The following PDE4D variants were observed in gnomAD, a reference collection of about 807,000 sequenced individuals.
PDE4D encodes phosphodiesterase 4D.
Under a neutral mutation model 87.4 loss-of-function variants are expected in PDE4D, and 24 were observed. The ratio of observed to expected loss-of-function variants is 0.27; its 90% CI spans 0.20 to 0.39. The LOEUF (loss-of-function observed/expected upper bound fraction) is 0.39, where lower values mean the gene tolerates loss of function less well. Ranked by LOEUF, PDE4D falls within the 10% of genes least tolerant of loss-of-function variation. The probability of loss-of-function intolerance (pLI) is 1.00; values close to 1 mark genes in which losing one functional copy is unlikely to be tolerated. For missense variants in PDE4D, 714 were observed against 1,041.0 expected, an observed-to-expected ratio of 0.69 and a Z score of 4.32; for synonymous variants, 384 against 383.2, an observed-to-expected ratio of 1.00 and a Z score of -0.02.
At chr5:60,089,430 T>C (rs1029371802) in intron 2 of PDE4D, among the ~76,000 whole-genome samples, 4 of 151,892 alleles carry the variant, frequency 2.6e-5, no homozygotes, top group African/African-American at 9.7e-5. Flanking sequence ...AACAACATGC[T>C]ACTGAAAAAC....
At chr5:58,988,904 T>C (rs960198928) in intron 10 of PDE4D, among the ~76,000 whole-genome samples, 9 of 152,238 alleles carry the variant, frequency 5.9e-5, no homozygotes, top group African/African-American at 2.2e-4. Context: ...ATATTTAAGA[T>C]GTCTAAGAAT....
At chr5:59,137,033 C>T (rs1208220339) in intron 5 of PDE4D, among the ~76,000 whole-genome samples, 1 of 152,210 alleles carries the variant, frequency 6.6e-6, no homozygotes, top group African/African-American at 2.4e-5. Context: ...TCACCCTCAC[C>T]TGCCTTGGGG....
chr5:59,664,376 C>A (rs747465824), intron 1 of PDE4D, among the ~76,000 whole-genome samples: 1 of 152,118 alleles, frequency 6.6e-6, no homozygotes, highest in South Asian at 2.1e-4. Context: ...TTGACAAACA[C>A]AAATCAGTTA....
intron 1 of PDE4D, among the ~76,000 whole-genome samples, chr5:59,291,520 A>G (rs1581792894): frequency 6.6e-6 from 1 of 152,176 alleles, no homozygotes; most frequent in East Asian, 1.9e-4. Flanking sequence ...TGATAGTACA[A>G]CAGGGTGACT....
chr5:59,962,429 T>G (rs905867996), intron 3 of PDE4D, among the ~76,000 whole-genome samples: 1 of 151,864 alleles, frequency 6.6e-6, no homozygotes, highest in Admixed American at 6.6e-5. Flanking sequence ...GACAAACTGG[T>G]AAAAGAATAC....
chr5:60,345,895 T>G (rs1758712767), intron 1 of PDE4D, among the ~76,000 whole-genome samples: 2 of 152,250 alleles, frequency 1.3e-5, no homozygotes. Flanking sequence ...TTTTCCAGAA[T>G]AATCCAAATT....
chr5:59,255,720 AAGGG>A (rs746240406), intron 1 of PDE4D, among the ~76,000 whole-genome samples: 9 of 152,238 alleles, frequency 5.9e-5, no homozygotes, highest in Non-Finnish European at 1.3e-4. Context: ...TTTGTTTAAA[AAGGG>A]AGGAAGAGAA....
chr5:59,580,923 T>C (rs941320952), intron 1 of PDE4D, among the ~76,000 whole-genome samples: 2 of 152,178 alleles, frequency 1.3e-5, no homozygotes, highest in African/African-American at 4.8e-5. Flanking sequence ...CCTGATTATG[T>C]AGACTCTAGA....
At chr5:58,990,696 A>G (rs1747707302) in intron 9 of PDE4D, 108 bp downstream of exon 9, 1 of 636,378 alleles carries the variant, frequency 1.6e-6, no homozygotes, top group Non-Finnish European at 2.7e-6. Context: ...AAGTATAAAA[A>G]TAAGCAAAAG....
chr5:59,684,525 G>T (rs1749543219), intron 1 of PDE4D, among the ~76,000 whole-genome samples: 1 of 152,150 alleles, frequency 6.6e-6, no homozygotes, highest in Admixed American at 6.5e-5. Context: ...TGAAGGAAGT[G>T]GTAACTGATT....
chr5:60,112,850 A>T (rs552219695), intron 2 of PDE4D, among the ~76,000 whole-genome samples: 1 of 152,200 alleles, frequency 6.6e-6, no homozygotes, highest in African/African-American at 2.4e-5. Flanking sequence ...AAAGAGAAGA[A>T]GGTAACTTTA....
chr5:59,768,655 G>T (rs753374902), intron 1 of PDE4D: 71 of 1,506,654 alleles, frequency 4.7e-5, no homozygotes, highest in Non-Finnish European at 5.7e-5. Flanking sequence ...TGTAGAGCCT[G>T]GGGCTGGGTG....
intron 1 of PDE4D, among the ~76,000 whole-genome samples, chr5:60,242,238 C>T (rs1295663076): frequency 6.6e-6 from 1 of 151,950 alleles, no homozygotes; most frequent in Non-Finnish European, 1.5e-5. Flanking sequence ...AAAAGAAGGT[C>T]ATTATATAAT....
intron 1 of PDE4D, among the ~76,000 whole-genome samples, chr5:59,617,020 T>C (rs557215133): frequency 1.3e-5 from 2 of 150,052 alleles, no homozygotes; most frequent in Non-Finnish European, 3.0e-5. Flanking sequence ...TTCTTTTAAA[T>C]TATGCATCAG....
chr5:60,491,901 T>C (rs552245403), upstream of PDE4D, among the ~76,000 whole-genome samples: 20 of 152,232 alleles, frequency 1.3e-4, no homozygotes, highest in African/African-American at 3.6e-4. Flanking sequence ...AGTAACTACC[T>C]CCTAGGCTGG....
chr5:59,308,643 G>T (rs1321334233), intron 1 of PDE4D, among the ~76,000 whole-genome samples: 1 of 151,516 alleles, frequency 6.6e-6, no homozygotes, highest in Non-Finnish European at 1.5e-5. Flanking sequence ...ACCAGTGCCT[G>T]TTCTGGTGCA....
intron 1 of PDE4D, among the ~76,000 whole-genome samples, chr5:59,785,311 T>C (rs1342958068): frequency 6.6e-6 from 1 of 152,254 alleles, no homozygotes; most frequent in Non-Finnish European, 1.5e-5. Flanking sequence ...TTTGTGATTA[T>C]AAGAAATGTT....
intron 2 of PDE4D, among the ~76,000 whole-genome samples, chr5:60,064,721 C>T (rs952767996): frequency 6.6e-6 from 1 of 152,128 alleles, no homozygotes; most frequent in African/African-American, 2.4e-5. Context: ...ATTTCTCCAT[C>T]TCCTCTTAGA....
chr5:59,091,986 T>G (rs1768837721), intron 5 of PDE4D, among the ~76,000 whole-genome samples: 1 of 152,092 alleles, frequency 6.6e-6, no homozygotes, highest in Admixed American at 6.6e-5. Context: ...AATGGTAAAA[T>G]GTTAGCAAGG....
Sources: allele counts gnomAD v4.1 joint callset (sites outside exome capture counted in the v4.1 genomes callset), GRCh38; gene constraint gnomAD v4.1.1; transcripts MANE v1.5; gene names NCBI Gene and HGNC (gene_info 2026-07-23, HGNC 2026-07-21).